MAGI2: variants seen among roughly 807,000 people sequenced by gnomAD.
MAGI2 encodes membrane associated guanylate kinase, WW and PDZ domain containing 2, also known as membrane-associated guanylate kinase, WW and PDZ domain-containing protein 2.
MAGI2 carries 35 observed loss-of-function variants against 133.3 expected under a neutral mutation model. The ratio of observed to expected loss-of-function variants is 0.26; its 90% CI spans 0.20 to 0.35. MAGI2 has a LOEUF of 0.35. MAGI2 is among the 10% of genes least tolerant of loss of function. MAGI2 has a pLI of 1.00. For missense variants in MAGI2, 1,636 were observed against 1,863.4 expected (o/e 0.88, Z 2.25); for synonymous variants, 729 against 710.6 (o/e 1.03, Z -0.41).
chr7:79,360,320 A>C (rs1174641643), intron 1 of MAGI2, among the ~76,000 whole-genome samples: 1 of 152,166 alleles, frequency 6.6e-6, no homozygotes, highest in African/African-American at 2.4e-5. Context: ...CTGCAGCTGC[A>C]AGTTCCTCTG....
chr7:78,077,557 G>A (rs768775206), intron 21 of MAGI2, among the ~76,000 whole-genome samples: 8 of 111,996 alleles, frequency 7.1e-5, no homozygotes, highest in Non-Finnish European at 1.9e-5. Context: ...CTCTCTGTAC[G>A]CTTTGAGGGG....
At chr7:78,507,915 T>C (rs1485579135) in intron 4 of MAGI2, among the ~76,000 whole-genome samples, 1 of 152,230 alleles carries the variant, frequency 6.6e-6, no homozygotes, top group African/African-American at 2.4e-5. Flanking sequence ...ACTGAGTGGC[T>C]TCAATCATAG....
intron 10 of MAGI2, among the ~76,000 whole-genome samples, chr7:78,214,571 A>G (rs929207995): frequency 3.9e-5 from 6 of 152,188 alleles, no homozygotes; most frequent in Non-Finnish European, 8.8e-5. Flanking sequence ...ATTTATTTCT[A>G]TCTCTACTTT....
intron 2 of MAGI2, among the ~76,000 whole-genome samples, chr7:79,003,840 A>G (rs964906846): frequency 2.0e-5 from 3 of 152,226 alleles, no homozygotes; most frequent in African/African-American, 4.8e-5. Flanking sequence ...GCCAAAAGGT[A>G]TATGAAAAAA....
At chr7:78,970,606 G>A (rs1360299971) in intron 2 of MAGI2, among the ~76,000 whole-genome samples, 2 of 151,844 alleles carry the variant, frequency 1.3e-5, no homozygotes, top group Non-Finnish European at 2.9e-5. Flanking sequence ...CCTTACATTG[G>A]CAAAGGATAA....
At chr7:78,156,385 A>T (rs1450340126) in intron 16 of MAGI2, among the ~76,000 whole-genome samples, 1 of 152,196 alleles carries the variant, frequency 6.6e-6, no homozygotes, top group South Asian at 2.1e-4. Context: ...GGTGGCTCTG[A>T]CTAATGGCTA....
chr7:79,181,583 A>G (rs903259487), intron 1 of MAGI2, among the ~76,000 whole-genome samples: 1 of 151,938 alleles, frequency 6.6e-6, no homozygotes. Flanking sequence ...GGCTGCTGCA[A>G]AGGTCTCTGA....
chr7:79,291,135 C>T (rs1250226074), intron 1 of MAGI2, among the ~76,000 whole-genome samples: 1 of 151,996 alleles, frequency 6.6e-6, no homozygotes, highest in African/African-American at 2.4e-5. Flanking sequence ...GTGGATTTTC[C>T]TATTCTGGAC....
At chr7:78,149,870 A>C (rs1403483821) in intron 16 of MAGI2, among the ~76,000 whole-genome samples, 1 of 152,194 alleles carries the variant, frequency 6.6e-6, no homozygotes, top group Non-Finnish European at 1.5e-5. Context: ...GGCTTAGAGA[A>C]ACAAGATCTT....
At chr7:79,052,131 A>G (rs78408254) in intron 1 of MAGI2, among the ~76,000 whole-genome samples, 2 of 152,316 alleles carry the variant, frequency 1.3e-5, no homozygotes, top group East Asian at 3.9e-4. Context: ...GAAGACACAC[A>G]GAGAAACAGC....
chr7:78,946,628 G>A (rs1801439193), intron 2 of MAGI2: 1 of 152,152 alleles, frequency 6.6e-6, no homozygotes, highest in South Asian at 2.1e-4. Context: ...GCACCTTAGA[G>A]GTGGGTATAA....
At chr7:78,901,980 A>T (rs962307123) in intron 2 of MAGI2, among the ~76,000 whole-genome samples, 5 of 152,184 alleles carry the variant, frequency 3.3e-5, no homozygotes, top group Admixed American at 2.0e-4. Context: ...AAATTCAATG[A>T]AATGATCTAA....
chr7:78,053,919 G>T (rs1161940592), intron 21 of MAGI2, among the ~76,000 whole-genome samples: 1 of 151,996 alleles, frequency 6.6e-6, no homozygotes, highest in East Asian at 1.9e-4. Context: ...GGTATTAAAG[G>T]CTTAGTTCCA....
At chr7:79,107,095 G>T (rs896405746) in intron 1 of MAGI2, among the ~76,000 whole-genome samples, 2 of 152,130 alleles carry the variant, frequency 1.3e-5, no homozygotes, top group African/African-American at 4.8e-5. Flanking sequence ...GATGTAACTA[G>T]GGTTACAGAT....
At chr7:79,166,254 C>T (rs1178598628) in intron 1 of MAGI2, among the ~76,000 whole-genome samples, 3 of 151,990 alleles carry the variant, frequency 2.0e-5, no homozygotes, top group Admixed American at 6.6e-5. Context: ...GGGAGAGTCA[C>T]TCCATGATCA....
rs188594930 is a variant in MAGI2 at position 78,677,243 on chromosome 7, G to A, written c.419-50004C>T. Among the ~76,000 whole-genome samples, 19 of 151,818 alleles carry A rather than the reference G, an allele frequency of 1.3e-4. No homozygotes were observed. In the East Asian group the frequency reaches 3.5e-3, roughly 28 times the overall value. Reference sequence around the variant, plus strand: ...GTAGGTGTTATAATTTATCAATTGTGTTGATCTGGCTCTACTAAGTCTCTT... The same window carrying A: ...GTAGGTGTTATAATTTATCAATTGTATTGATCTGGCTCTACTAAGTCTCTT... On this transcript the variant is annotated intron_variant, in intron 2 of 21. Coordinates refer to ENST00000354212, the MANE Select transcript of MAGI2 (RefSeq NM_012301.4).
At position 78,828,467 on chromosome 7, in the gene MAGI2, T is replaced by C. The variant is rs6961744; in HGVS notation, c.418+178623A>G. On this transcript the variant is annotated intron_variant, in intron 2 of 21. Coordinates refer to ENST00000354212, the MANE Select transcript of MAGI2 (RefSeq NM_012301.4). ...AACCAATCAAAACATCAAAGAAATATCATCTGAGAGACATTCTATAAAATG... is the reference window on the plus strand; with the variant it reads ...AACCAATCAAAACATCAAAGAAATACCATCTGAGAGACATTCTATAAAATG... 3.1e-3 allele frequency among the ~76,000 whole-genome samples: 468 copies of C among 152,184 alleles called. 2 individuals carry two copies. Among genetic ancestry groups the C allele is most frequent in the African/African-American group, 0.011 (445 of 41,540 alleles).
At chr7:79,278,903 T>C (rs550860295) in intron 1 of MAGI2, among the ~76,000 whole-genome samples, 27 of 152,208 alleles carry the variant, frequency 1.8e-4, no homozygotes, top group African/African-American at 5.1e-4. Context: ...CCAGACATAC[T>C]CTGAGGCAGG....
intron 3 of MAGI2, among the ~76,000 whole-genome samples, chr7:78,576,136 C>CAGAAGGA (rs55935191): frequency 0.81 from 121,682 of 151,146 alleles, 49,105 homozygotes; most frequent in East Asian, 0.9. Flanking sequence ...TCTGTAAATT[C>CAGAAGGA]AGGGCTTTAT....
Sources: allele counts gnomAD v4.1 joint callset (sites outside exome capture counted in the v4.1 genomes callset), GRCh38; gene constraint gnomAD v4.1.1; transcripts MANE v1.5; gene names NCBI Gene and HGNC (gene_info 2026-07-23, HGNC 2026-07-21).